The following FLNB variants were observed in gnomAD, a reference collection of about 807,000 sequenced individuals.
FLNB encodes the protein filamin-B.
In FLNB, 111 loss-of-function variants were observed where a neutral mutation model predicts 250.6. The observed-to-expected ratio is 0.44, with a 90% CI of 0.38 to 0.52. The LOEUF (loss-of-function observed/expected upper bound fraction) is 0.52, where lower values mean the gene tolerates loss of function less well. Among genes scored for constraint, FLNB ranks in the 20% least tolerant of loss-of-function variants. The pLI is 0.00. For missense variants in FLNB, 2,869 were observed against 3,447.8 expected (o/e 0.83, Z 4.20); for synonymous variants, 1,302 against 1,372.1 (o/e 0.95, Z 1.13).
At chr3:58,035,333 T>C (rs1372992433) in intron 1 of FLNB, among the ~76,000 whole-genome samples, 2 of 152,204 alleles carry the variant, frequency 1.3e-5, no homozygotes, top group Non-Finnish European at 2.9e-5. Flanking sequence ...AGCTGTTACT[T>C]AGACTTGGAT....
intron 1 of FLNB, among the ~76,000 whole-genome samples, chr3:58,050,031 T>C (rs899664123): frequency 2.7e-5 from 4 of 150,414 alleles, no homozygotes; most frequent in African/African-American, 2.4e-5. Context: ...CTTTTTTTTT[T>C]TTTTTTTCTT....
intron 36 of FLNB, 22 bp from the exon 37 acceptor site, chr3:58,149,828 G>A: frequency 6.2e-7 from 1 of 1,614,206 alleles, no homozygotes; most frequent in Non-Finnish European, 8.5e-7. Context: ...TGTCAGAACA[G>A]CCTGGGGCTG....
At chr3:58,065,726 G>A (rs761998700) in intron 1 of FLNB, among the ~76,000 whole-genome samples, 6 of 152,160 alleles carry the variant, frequency 3.9e-5, no homozygotes, top group Non-Finnish European at 2.9e-5. Flanking sequence ...TCTTTTCCTC[G>A]AGGGATTCCC....
intron 1 of FLNB, among the ~76,000 whole-genome samples, chr3:58,053,036 C>G (rs1303777354): frequency 6.6e-6 from 1 of 152,052 alleles, no homozygotes; most frequent in Non-Finnish European, 1.5e-5. Context: ...CATTGTCAGC[C>G]CATTTTACAG....
At chr3:58,104,816 A>C (rs2097256985) in intron 10 of FLNB, among the ~76,000 whole-genome samples, 1 of 152,208 alleles carries the variant, frequency 6.6e-6, no homozygotes, top group Admixed American at 6.5e-5. Context: ...GTAAAGGGCC[A>C]GGAGGCTGGT....
rs1400093838 is a variant in FLNB, at chr3:58,164,195, G to T, written c.7198+865G>T. On this transcript the variant is annotated intron_variant, in intron 43 of 45. Transcript: ENST00000295956. The surrounding 1 kb of genome is among the most constrained non-coding windows in gnomAD (Gnocchi z 4.0). ...TTTGACATCTTAAAGATCTTTCCATGTCAGAACAGATCTTCCCCTCCTTTT... is the reference window on the plus strand; with the variant it reads ...TTTGACATCTTAAAGATCTTTCCATTTCAGAACAGATCTTCCCCTCCTTTT... 3 of 152,302 alleles carry T rather than the reference G, an allele frequency of 2.0e-5. No homozygotes were observed. The highest frequency in any genetic ancestry group is 2.9e-5 in the Non-Finnish European group (2 of 68,090). 9.4% of individuals were successfully genotyped at this position (152,302 alleles called of 1,614,324 possible). A position where few individuals can be genotyped will look rare whatever the true frequency, so the allele number is the denominator to read the frequency against.
Position 58,153,358 on chromosome 3 carries a change from C to T in FLNB, c.6368-17C>T, listed in dbSNP as rs1015949972. 1.1e-5 allele frequency: 17 copies of T among 1,614,016 alleles called. No homozygotes were observed. The highest frequency in any genetic ancestry group is 1.4e-5 in the Non-Finnish European group (16 of 1,180,020). ...CCCTAACCCTCTTCTCTCCCCCAAC[C>T]TCCCTCCCTCTTTCAGAAATCAACA... On this transcript the variant is annotated splice_polypyrimidine_tract_variant and intron_variant, in intron 38 of 45. Transcript: ENST00000295956.
At chr3:58,118,799 C>T in intron 18 of FLNB, 73 bp from the exon 19 acceptor site, 1 of 1,052,334 alleles carries the variant, frequency 9.5e-7, no homozygotes, top group Non-Finnish European at 1.5e-6. Flanking sequence ...AATGAGGGAT[C>T]TTGAGGGGAT....
intron 1 of FLNB, among the ~76,000 whole-genome samples, chr3:58,025,583 C>A (rs562392319): frequency 5.9e-5 from 9 of 152,200 alleles, no homozygotes; most frequent in Non-Finnish European, 8.8e-5. Flanking sequence ...CTGGCTGACA[C>A]CAGGGAGCTG....
At chr3:58,086,896 C>T (rs184082586) in intron 4 of FLNB, among the ~76,000 whole-genome samples, 4 of 152,284 alleles carry the variant, frequency 2.6e-5, no homozygotes, top group East Asian at 1.9e-4. Context: ...GGGTGGATCA[C>T]GAGGTCAGGA....
chr3:58,146,060 G>C lies in FLNB; in HGVS notation c.5554+11G>C. 1 of 1,614,152 alleles carries C rather than the reference G, an allele frequency of 6.2e-7. No individual in the cohort carries two copies. Among genetic ancestry groups the C allele is most frequent in the Non-Finnish European group, 8.5e-7 (1 of 1,180,020 alleles). ...AGGATGCAGGAGAAGGTACTGTGTG[G>C]TTTACGTGTTTATACGCCTCCAGCT... is the stretch of plus-strand genomic sequence containing the variant. On this transcript the variant is annotated intron_variant, in intron 33 of 45. Transcript: ENST00000295956.
At chr3:58,116,811 G>A (rs1444205049) in intron 18 of FLNB, among the ~76,000 whole-genome samples, 1 of 152,178 alleles carries the variant, frequency 6.6e-6, no homozygotes, top group Non-Finnish European at 1.5e-5. Flanking sequence ...AGTTTGAGAA[G>A]CTGGTGGCAA....
chr3:58,100,682 CT>C (rs1182935623), intron 8 of FLNB, among the ~76,000 whole-genome samples: 1 of 147,148 alleles, frequency 6.8e-6, no homozygotes, highest in East Asian at 2.1e-4. Context: ...ACTGCAGCTT[CT>C]GCTTCCCTGG....
At chr3:58,133,437 GAAAAAAAAA>G (rs55916881) in intron 26 of FLNB, among the ~76,000 whole-genome samples, 10 of 67,604 alleles carry the variant, frequency 1.5e-4, no homozygotes, top group Non-Finnish European at 3.6e-4. Flanking sequence ...GACATCTCTG[GAAAAAAAAA>G]AAAAAAAAAA....
At chr3:58,073,082 C>A (rs2097196980) in intron 1 of FLNB, among the ~76,000 whole-genome samples, 1 of 152,168 alleles carries the variant, frequency 6.6e-6, no homozygotes, top group Non-Finnish European at 1.5e-5. Flanking sequence ...CATCCAATCC[C>A]TCCTGGTGCA....
At chr3:58,113,334 G>C (rs1463560380) in intron 18 of FLNB, among the ~76,000 whole-genome samples, 1 of 152,246 alleles carries the variant, frequency 6.6e-6, no homozygotes, top group African/African-American at 2.4e-5. Flanking sequence ...TTATTCTTAA[G>C]GGAAATGATC....
chr3:58,123,346 T>C lies in FLNB; in HGVS notation c.3380T>C (p.Ile1127Thr), dbSNP rs1354088443. 2 of 1,614,148 alleles carry C rather than the reference T, an allele frequency of 1.2e-6. No homozygotes were observed. The highest frequency in any genetic ancestry group is 2.2e-5 in the South Asian group (2 of 91,082). Residue 1127 changes from isoleucine (I) to threonine (T), a missense_variant, in exon 21 of 46, where the codon ATT becomes ACT. Transcript: ENST00000295956. The part of the protein sequence containing the change: ...HIPGSPFKAD[I>T]EMPFDPSKVV... ...CCTGGGTCTCCCTTCAAAGCTGACA[T>C]TGAAATGCCCTTTGACCCCTCTAAA...
intron 1 of FLNB, among the ~76,000 whole-genome samples, chr3:58,056,105 A>ATTTT (rs781244971): frequency 1.6e-3 from 212 of 128,754 alleles, no homozygotes; most frequent in African/African-American, 4.2e-3. Flanking sequence ...TTATTTATTT[A>ATTTT]TTTTTTTTTT....
chr3:58,057,317 A>C (rs1042514311), intron 1 of FLNB, among the ~76,000 whole-genome samples: 1 of 152,226 alleles, frequency 6.6e-6, no homozygotes, highest in African/African-American at 2.4e-5. Flanking sequence ...TAATTAGTGA[A>C]GATGATGGTT....
Sources: gnomAD v4.1 joint callset for allele counts (sites outside exome capture counted in the v4.1 genomes callset) on GRCh38, gnomAD v4.1.1 for gene constraint, Gnocchi (gnomAD v3.1) non-coding constraint, MANE v1.5 for transcripts, NCBI Gene and HGNC (gene_info 2026-07-23, HGNC 2026-07-21) for gene names.